The following TOGARAM2 variants were observed in gnomAD, a reference collection of about 807,000 sequenced individuals.
TOGARAM2 encodes TOG array regulator of axonemal microtubules protein 2.
In TOGARAM2, 85 loss-of-function variants were observed where a neutral mutation model predicts 93.3. The observed-to-expected ratio is 0.91, with a 90% confidence interval of 0.76 to 1.09. The LOEUF is 1.09. TOGARAM2 is among the 50% of genes least tolerant of loss of function. TOGARAM2 has a pLI of 0.00. For synonymous variants in TOGARAM2, 593 were observed against 552.8 expected (o/e 1.07, Z -1.02); for missense variants, 1,277 against 1,334.5 (o/e 0.96, Z 0.67).
chr2:29,024,399 G>A (rs1259277510), intron 13 of TOGARAM2, 25 bp downstream of exon 13: 3 of 1,580,582 alleles, frequency 1.9e-6, no homozygotes, highest in Non-Finnish European at 2.6e-6. Flanking sequence ...GTTGTCTGAG[G>A]GGCGGGGAAG....
At chr2:29,011,124 A>G (rs1664218796) in intron 6 of TOGARAM2, among the ~76,000 whole-genome samples, 1 of 152,214 alleles carries the variant, frequency 6.6e-6, no homozygotes, top group Non-Finnish European at 1.5e-5. Context: ...TGTCAACTCC[A>G]CAGGCCCAAG....
At chr2:29,039,850 A>G (rs1008202747) in intron 18 of TOGARAM2, among the ~76,000 whole-genome samples, 7 of 152,162 alleles carry the variant, frequency 4.6e-5, no homozygotes, top group Admixed American at 1.3e-4. Context: ...TGGGTTAGTT[A>G]CAGAAGAAAC....
chr2:28,968,363 A>G (rs935218763), intron 1 of TOGARAM2, among the ~76,000 whole-genome samples: 6 of 151,946 alleles, frequency 3.9e-5, no homozygotes, highest in African/African-American at 1.5e-4. Flanking sequence ...TTCTAGATTC[A>G]TGGGTATGTT....
chr2:29,003,682 G>C lies in TOGARAM2; in HGVS notation c.830G>C (p.Arg277Pro). 1 of 1,524,840 alleles carries C rather than the reference G, an allele frequency of 6.6e-7. No individual in the cohort carries two copies. Among genetic ancestry groups the C allele is most frequent in the South Asian group, 1.2e-5 (1 of 80,238 alleles). 94.5% of individuals were successfully genotyped at this position (1,524,840 alleles called of 1,614,324 possible). A position where few individuals can be genotyped will look rare whatever the true frequency, so the allele number is the denominator to read the frequency against. ...VLTGLRAPRTRLARGSGPREK... is the reference protein window; with the variant it reads ...VLTGLRAPRTPLARGSGPREK... ...ACAGGCCTGAGGGCCCCACGCACGC[G>C]GTAAGAGCTCCAAGTCAAACCTTCC... Residue 277 changes from arginine (R) to proline (P), a missense_variant and splice_region_variant, in exon 6 of 20, where the codon CGA (arginine) becomes CCA (proline). Transcript: ENST00000379558.
At chr2:29,006,324 G>A (rs1053876201) in intron 6 of TOGARAM2, among the ~76,000 whole-genome samples, 2 of 143,994 alleles carry the variant, frequency 1.4e-5, no homozygotes, top group African/African-American at 5.2e-5. Flanking sequence ...TGTGTGGAGT[G>A]TGTGCATGTG....
At chr2:29,042,640 T>C (rs901872609) in intron 18 of TOGARAM2, among the ~76,000 whole-genome samples, 1 of 152,350 alleles carries the variant, frequency 6.6e-6, no homozygotes, top group East Asian at 1.9e-4. Flanking sequence ...AGCTGCTTAG[T>C]CTGTTGGCTC....
At chr2:28,975,063 T>C (rs896233671) in intron 1 of TOGARAM2, among the ~76,000 whole-genome samples, 2 of 152,166 alleles carry the variant, frequency 1.3e-5, no homozygotes, top group Non-Finnish European at 1.5e-5. Context: ...ATTGTATTTT[T>C]CTTTCTTAAA....
At chr2:29,035,724 A>G (rs1666068326) in intron 17 of TOGARAM2, 68 bp downstream of exon 17, 1 of 1,281,618 alleles carries the variant, frequency 7.8e-7, no homozygotes, top group Non-Finnish European at 1.0e-6. Context: ...AAGTTTGAAA[A>G]CTCTGAATGG....
chr2:29,010,527 A>G (rs1398387687), intron 6 of TOGARAM2, among the ~76,000 whole-genome samples: 2 of 152,000 alleles, frequency 1.3e-5, no homozygotes, highest in East Asian at 3.9e-4. Context: ...GCAGGCACTG[A>G]GGGGGGCTGT....
intron 4 of TOGARAM2, among the ~76,000 whole-genome samples, chr2:29,000,500 G>T (rs1205275572): frequency 6.6e-6 from 1 of 152,176 alleles, no homozygotes; most frequent in Non-Finnish European, 1.5e-5. Context: ...CATATGGGAA[G>T]AACTTAATAC....
At chr2:29,010,393 C>A (rs142606087) in intron 6 of TOGARAM2, among the ~76,000 whole-genome samples, 2 of 152,282 alleles carry the variant, frequency 1.3e-5, no homozygotes, top group East Asian at 3.9e-4. Flanking sequence ...ACCCAAGAGG[C>A]TGGGCCTGGC....
chr2:29,002,572 C>G lies in TOGARAM2; in HGVS notation c.464C>G (p.Pro155Arg), dbSNP rs1010702127. 8 of 1,613,882 alleles carry G rather than the reference C, an allele frequency of 5.0e-6. No individual in the cohort carries two copies. The highest frequency in any genetic ancestry group is 2.2e-5 in the East Asian group (1 of 44,894). The change falls in exon 5 of 20, where the codon CCC (proline) becomes CGC (arginine). Residue 155 changes from proline to arginine, a missense_variant. Transcript: ENST00000379558. Reference protein sequence around the residue: ...LDPGGGPQGVPLHSTIPRATS... With the variant: ...LDPGGGPQGVRLHSTIPRATS... Reference sequence around the variant, plus strand: ...CCAGGGGGAGGCCCCCAAGGAGTTCCCCTGCACAGCACCATCCCCCGAGCC... The same window carrying G: ...CCAGGGGGAGGCCCCCAAGGAGTTCGCCTGCACAGCACCATCCCCCGAGCC...
intron 18 of TOGARAM2, among the ~76,000 whole-genome samples, chr2:29,044,489 C>T (rs1358042006): frequency 6.6e-6 from 1 of 152,124 alleles, no homozygotes; most frequent in African/African-American, 2.4e-5. Flanking sequence ...ACCAAGCATC[C>T]TGGGTTCCCG....
intron 14 of TOGARAM2, among the ~76,000 whole-genome samples, chr2:29,031,999 C>A (rs555112417): frequency 6.6e-6 from 1 of 152,294 alleles, no homozygotes; most frequent in African/African-American, 2.4e-5. Flanking sequence ...CTTCCTTATC[C>A]TCACTGTACT....
In TOGARAM2 at chr2:29,033,485, A is replaced by G; in HGVS notation, c.2147A>G (p.Asp716Gly). The change falls in exon 16 of 20, where the codon GAT becomes GGT. Residue 716 changes from aspartate (D) to glycine (G), a missense_variant. Asp to Gly is a moderately conservative substitution (Grantham distance 94). Transcript: ENST00000379558. ...AIKQQGIEDN[D>G]ELPSAKGRKV... ...TTTTTCAAGGGAATAGAAGATAATGATGAACTTCCCTCTGCCAAAGGCCGC... is the reference window on the plus strand; with the variant it reads ...TTTTTCAAGGGAATAGAAGATAATGGTGAACTTCCCTCTGCCAAAGGCCGC... 2 of 1,613,410 alleles carry G rather than the reference A, an allele frequency of 1.2e-6. No homozygotes were observed. Among genetic ancestry groups the G allele is most frequent in the Non-Finnish European group, 1.7e-6 (2 of 1,179,712 alleles).
Position 29,045,398 on chromosome 2 carries a change from G to A in TOGARAM2, c.2710G>A (p.Asp904Asn). 4.3e-6 allele frequency: 7 copies of A among 1,613,382 alleles called. No homozygotes were observed. Among genetic ancestry groups the A allele is most frequent in the Non-Finnish European group, 5.1e-6 (6 of 1,179,890 alleles). The change falls in exon 19 of 20, where the codon GAT (aspartate) becomes AAT (asparagine). Residue 904 changes from aspartate (D) to asparagine (N), a missense_variant. By Grantham distance (23) the Asp-to-Asn change is conservative (BLOSUM62 1). Transcript: ENST00000379558. ...TGGCCGTGCGGTGCTGGATGTCACA[G>A]ATCGCCTGGCAGGTGAGCACCCCCA... is the stretch of plus-strand genomic sequence containing the variant. The part of the protein sequence containing the change: ...LSGRAVLDVT[D>N]RLAVLVASVY...
intron 8 of TOGARAM2, 45 bp from the exon 9 acceptor site, chr2:29,017,109 T>A (rs1338911064): frequency 6.3e-7 from 1 of 1,590,926 alleles, no homozygotes; most frequent in Non-Finnish European, 8.6e-7. Flanking sequence ...TGTTGATGAT[T>A]GAATGAATGG....
Position 29,036,614 on chromosome 2 carries a change from C to T in TOGARAM2, c.2492C>T (p.Ala831Val), listed in dbSNP as rs766623091. Reference protein sequence around the residue: ...KVNQWALESFAKMIPLLRESL... With the variant: ...KVNQWALESFVKMIPLLRESL... ...AACCAGTGGGCGCTGGAGTCCTTCG[C>T]CAAGATGATCCCCCTCCTCAGAGAG... is the stretch of plus-strand genomic sequence containing the variant. Residue 831 changes from alanine to valine, a missense_variant, in exon 18 of 20, where the codon GCC becomes GTC. Physicochemically the swap from Ala to Val is moderately conservative, Grantham distance 64. Transcript: ENST00000379558. The T allele has an allele frequency of 1.2e-6, 2 of 1,613,948 alleles. No individual in the cohort carries two copies. Among genetic ancestry groups the T allele is most frequent in the African/African-American group, 1.3e-5 (1 of 75,032 alleles).
At chr2:29,031,716 C>T (rs763956854) in intron 14 of TOGARAM2, among the ~76,000 whole-genome samples, 6 of 152,246 alleles carry the variant, frequency 3.9e-5, no homozygotes, top group Admixed American at 1.3e-4. Context: ...AGAAAAATAC[C>T]GACAAGCAAT....
Sources: allele counts gnomAD v4.1 joint callset (sites outside exome capture counted in the v4.1 genomes callset), GRCh38; gene constraint gnomAD v4.1.1; transcripts MANE v1.5; gene names NCBI Gene and HGNC (gene_info 2026-07-23, HGNC 2026-07-21).